CDK5RAP1: variants seen among roughly 807,000 people sequenced by gnomAD.
The protein encoded by CDK5RAP1 is mitochondrial tRNA methylthiotransferase CDK5RAP1.
Under a neutral mutation model 64.5 loss-of-function variants are expected in CDK5RAP1, and 62 were observed. That is an observed-to-expected ratio of 0.96 (90% CI 0.78 to 1.19). CDK5RAP1 has a LOEUF of 1.19. CDK5RAP1 is among the 50% of genes most tolerant of loss of function. The pLI is 0.00. For missense variants in CDK5RAP1, 657 were observed against 735.0 expected, an observed-to-expected ratio of 0.89 and a Z score of 1.23; for synonymous variants, 250 against 261.9, an observed-to-expected ratio of 0.95 and a Z score of 0.44.
chr20:33,371,472 C>T (rs900354634), intron 10 of CDK5RAP1, among the ~76,000 whole-genome samples: 15 of 152,230 alleles, frequency 9.9e-5, no homozygotes, highest in African/African-American at 2.9e-4. Flanking sequence ...CCTATCAAAA[C>T]GAAAGTATTT....
chr20:33,364,578 CT>C (rs1185157064), intron 12 of CDK5RAP1, among the ~76,000 whole-genome samples: 8 of 150,304 alleles, frequency 5.3e-5, no homozygotes, highest in Admixed American at 2.7e-4. Context: ...TATTTTTTGG[CT>C]TTTTTTTTGT....
At chr20:33,369,908 T>C (rs1487688535) in intron 11 of CDK5RAP1, among the ~76,000 whole-genome samples, 1 of 152,204 alleles carries the variant, frequency 6.6e-6, no homozygotes, top group African/African-American at 2.4e-5. Flanking sequence ...CAAAGGTGAC[T>C]GAGGGAATGA....
chr20:33,398,038 C>T (rs575379714), intron 1 of CDK5RAP1, among the ~76,000 whole-genome samples: 14 of 152,082 alleles, frequency 9.2e-5, no homozygotes, highest in Non-Finnish European at 1.5e-4. Context: ...AAACTTTCCA[C>T]CCAGACCCTC....
intron 8 of CDK5RAP1, among the ~76,000 whole-genome samples, chr20:33,378,740 T>C (rs1986349712): frequency 6.6e-6 from 1 of 152,114 alleles, no homozygotes; most frequent in Non-Finnish European, 1.5e-5. Context: ...AAAGCTGAGA[T>C]TTGAACCCGG....
intron 3 of CDK5RAP1, 118 bp downstream of exon 3, chr20:33,394,895 C>A (rs1022057147): frequency 2.9e-6 from 2 of 699,222 alleles, no homozygotes; most frequent in South Asian, 3.2e-5. Flanking sequence ...AACACTTCAC[C>A]CAAGGGAACT....
chr20:33,360,000 T>C (rs1433576252), intron 13 of CDK5RAP1: 1 of 210,586 alleles, frequency 4.7e-6, no homozygotes, highest in East Asian at 1.3e-4. Context: ...GCCTGAGCCG[T>C]CAGAGATCAC....
At chr20:33,361,946 C>T (rs1314979497) in intron 12 of CDK5RAP1, among the ~76,000 whole-genome samples, 1 of 126,698 alleles carries the variant, frequency 7.9e-6, no homozygotes, top group Non-Finnish European at 1.7e-5. Context: ...ACAGAGTGAG[C>T]CTCAGTCTCA....
At chr20:33,395,169 G>A (rs1022107668) in intron 2 of CDK5RAP1, 53 bp from the exon 3 acceptor site, 10 of 1,057,276 alleles carry the variant, frequency 9.5e-6, no homozygotes, top group South Asian at 5.0e-5. Flanking sequence ...AAGGGGTCTC[G>A]TGTCTCAAAA....
At chr20:33,390,949 T>C (rs952556992) in intron 5 of CDK5RAP1, among the ~76,000 whole-genome samples, 4 of 152,118 alleles carry the variant, frequency 2.6e-5, no homozygotes, top group African/African-American at 9.7e-5. Flanking sequence ...CTGCCCAACA[T>C]AACTTTCTAA....
At chr20:33,372,560 C>A in intron 10 of CDK5RAP1, 82 bp downstream of exon 10, 1 of 610,050 alleles carries the variant, frequency 1.6e-6, no homozygotes, top group Non-Finnish European at 2.7e-6. Context: ...CAAGGAAATG[C>A]CAAAGGTGTT....
chr20:33,387,575 C>G, intron 5 of CDK5RAP1, 42 bp from the exon 6 acceptor site: 1 of 1,528,864 alleles, frequency 6.5e-7, no homozygotes, highest in Non-Finnish European at 9.1e-7. Flanking sequence ...CCAAATCCAC[C>G]TGGTGTTTAA....
chr20:33,399,094 A>G (rs1463250880), intron 1 of CDK5RAP1, among the ~76,000 whole-genome samples: 1 of 152,122 alleles, frequency 6.6e-6, no homozygotes, highest in Non-Finnish European at 1.5e-5. Context: ...AGAATGCATA[A>G]GAAACAATAG....
chr20:33,401,333 G>T, intron 1 of CDK5RAP1, 95 bp downstream of exon 1: 1 of 918,956 alleles, frequency 1.1e-6, no homozygotes, highest in Non-Finnish European at 1.3e-6. Context: ...CCTCCCTCTT[G>T]AACACCGTGC....
chr20:33,381,423 G>C (rs372290636), intron 7 of CDK5RAP1, among the ~76,000 whole-genome samples: 1 of 149,860 alleles, frequency 6.7e-6, no homozygotes, highest in East Asian at 1.9e-4. Flanking sequence ...TGTTGTTGTT[G>C]TTGTTGTTAT....
At chr20:33,363,772 A>AC (rs1568677418) in intron 12 of CDK5RAP1, among the ~76,000 whole-genome samples, 9 of 152,104 alleles carry the variant, frequency 5.9e-5, no homozygotes, top group Non-Finnish European at 1.3e-4. Context: ...GGTTGTACAC[A>AC]TTATAGTACC....
In CDK5RAP1 at chr20:33,387,506, T is replaced by C. The variant is rs150964658; in HGVS notation, c.572A>G (p.Glu191Gly). The change falls in exon 6 of 14, where the codon GAG (glutamate) becomes GGG (glycine). Residue 191 changes from glutamate to glycine, a missense_variant. By Grantham distance (98) the Glu-to-Gly change is moderately conservative (BLOSUM62 -2). Coordinates refer to ENST00000346416, the MANE Select transcript of CDK5RAP1 (RefSeq NM_016408.4). ...LGCMAERLKEEILNREKMVDI... is the reference protein window; with the variant it reads ...LGCMAERLKEGILNREKMVDI... ...TACCATTTTCTCTCTGTTGAGAATCTCCTCCTTCAACCTCTCAGCCATGCA... is the reference window on the plus strand; with the variant it reads ...TACCATTTTCTCTCTGTTGAGAATCCCCTCCTTCAACCTCTCAGCCATGCA... The C allele has an allele frequency of 1.4e-5, 22 of 1,613,928 alleles. No homozygotes were observed. Among genetic ancestry groups the C allele is most frequent in the Non-Finnish European group, 8.5e-7 (1 of 1,179,998 alleles).
intron 5 of CDK5RAP1, among the ~76,000 whole-genome samples, chr20:33,389,104 G>A (rs1987911316): frequency 6.6e-6 from 1 of 151,800 alleles, no homozygotes; most frequent in Non-Finnish European, 1.5e-5. Context: ...GATGTGAGGA[G>A]CCCCTCTGCC....
At chr20:33,361,518 A>C (rs996320924) in intron 12 of CDK5RAP1, among the ~76,000 whole-genome samples, 2 of 152,068 alleles carry the variant, frequency 1.3e-5, no homozygotes, top group African/African-American at 4.8e-5. Context: ...TCCACTACCA[A>C]ATAGAAGAGT....
chr20:33,366,845 A>G lies in CDK5RAP1; in HGVS notation c.1542+14T>C. Reference sequence around the variant, plus strand: ...ACATAAAAAACAACATAACACACACACATATGGCCTCACCCCTTCCACTAG... The same window carrying G: ...ACATAAAAAACAACATAACACACACGCATATGGCCTCACCCCTTCCACTAG... On this transcript the variant is annotated intron_variant, in intron 12 of 13. Transcript: ENST00000346416. The G allele has an allele frequency of 6.3e-7, 1 of 1,597,310 alleles. No homozygotes were observed.
Sources: allele counts gnomAD v4.1 joint callset (sites outside exome capture counted in the v4.1 genomes callset), GRCh38; gene constraint gnomAD v4.1.1; transcripts MANE v1.5; gene names NCBI Gene and HGNC (gene_info 2026-07-23, HGNC 2026-07-21).